Variants in PPP2R2D observed in about 807,000 individuals in gnomAD.
The protein encoded by PPP2R2D is serine/threonine-protein phosphatase 2A 55 kDa regulatory subunit B delta isoform.
A neutral mutation model predicts 31.1 loss-of-function variants in PPP2R2D; 9 were observed. The observed-to-expected ratio is 0.29, with a 90% CI of 0.17 to 0.51. PPP2R2D has a LOEUF of 0.51. Among genes scored for constraint, PPP2R2D ranks in the 20% least tolerant of loss-of-function variants. The probability of loss-of-function intolerance (pLI) is 0.98; values close to 1 mark genes in which losing one functional copy is unlikely to be tolerated. For synonymous variants in PPP2R2D, 179 were observed against 172.6 expected, an observed-to-expected ratio of 1.04 and a Z score of -0.29; for missense variants, 391 against 465.6, an observed-to-expected ratio of 0.84 and a Z score of 1.48.
chr10:131,909,819 G>A (rs1389485081), intron 2 of PPP2R2D, among the ~76,000 whole-genome samples: 1 of 152,194 alleles, frequency 6.6e-6, no homozygotes, highest in African/African-American at 2.4e-5. Flanking sequence ...AATTAAAACA[G>A]AACAACTTAC....
At chr10:131,960,479 T>A (rs529400472), downstream of PPP2R2D, among the ~76,000 whole-genome samples, 13 of 152,254 alleles carry the variant, frequency 8.5e-5, no homozygotes, top group South Asian at 2.7e-3. Context: ...GTGGACAGAC[T>A]CAGTCTGATT....
downstream of PPP2R2D, among the ~76,000 whole-genome samples, chr10:131,962,821 G>A (rs782661894): frequency 1.6e-4 from 24 of 152,210 alleles, no homozygotes; most frequent in African/African-American, 7.2e-5. Context: ...CACTTCCGCC[G>A]ATCAGAGGTC....
At chr10:131,927,454 G>A (rs1247609219) in intron 2 of PPP2R2D, among the ~76,000 whole-genome samples, 1 of 152,180 alleles carries the variant, frequency 6.6e-6, no homozygotes, top group Non-Finnish European at 1.5e-5. Context: ...CCAGAGCTTG[G>A]CGGCGGTGAG....
chr10:131,962,464 C>T (rs1220776946), downstream of PPP2R2D, among the ~76,000 whole-genome samples: 2 of 152,206 alleles, frequency 1.3e-5, no homozygotes, highest in Non-Finnish European at 2.9e-5. Flanking sequence ...CTTTTGGTGG[C>T]TGGGAAATGC....
chr10:131,941,188 G>A (rs1317092389), intron 5 of PPP2R2D, among the ~76,000 whole-genome samples: 5 of 152,168 alleles, frequency 3.3e-5, no homozygotes, highest in South Asian at 2.1e-4. Context: ...CCATCCATGA[G>A]CATCATTACT....
At chr10:131,926,946 G>A (rs1261294814) in intron 2 of PPP2R2D, among the ~76,000 whole-genome samples, 7 of 152,230 alleles carry the variant, frequency 4.6e-5, no homozygotes, top group African/African-American at 1.4e-4. Context: ...CAGGGTAGCA[G>A]AGCGCTGGCT....
intron 2 of PPP2R2D, among the ~76,000 whole-genome samples, chr10:131,924,886 T>C (rs1554894699): frequency 6.6e-6 from 1 of 152,194 alleles, no homozygotes; most frequent in African/African-American, 2.4e-5. Flanking sequence ...TTTGATTAAA[T>C]TTATTCCTAA....
intron 2 of PPP2R2D, among the ~76,000 whole-genome samples, chr10:131,923,468 G>C (rs192538668): frequency 6.6e-5 from 10 of 152,266 alleles, no homozygotes; most frequent in Admixed American, 5.9e-4. Flanking sequence ...TATATTCCTG[G>C]GAATGGAGCT....
rs1246173687 is a variant in PPP2R2D, at chr10:131,958,035, TGAA to T, written c.*2074_*2076del. 1.4e-5 allele frequency: 2 copies of T among 138,916 alleles called. No homozygotes were observed. Among genetic ancestry groups the T allele is most frequent in the Non-Finnish European group, 2.9e-5 (2 of 69,652 alleles). The allele number at this position is 138,916 out of a possible 1,614,324, so 8.6% of individuals were successfully genotyped here. ...CTGATCCCCCGTCCCCCTGTGGAGA[TGAA>T]GGTGTGTGCTGATCCCCCATCCCCA... On this transcript the variant is annotated 3_prime_UTR_variant, in exon 9 of 9. Coordinates refer to ENST00000455566, the MANE Select transcript of PPP2R2D (RefSeq NM_018461.5).
chr10:131,928,977 G>A (rs1311315855), intron 2 of PPP2R2D, among the ~76,000 whole-genome samples: 1 of 152,160 alleles, frequency 6.6e-6, no homozygotes, highest in African/African-American at 2.4e-5. Context: ...AAGAAAAGTA[G>A]AATAATAATA....
At chr10:131,942,289 A>G (rs2036456352) in intron 5 of PPP2R2D, among the ~76,000 whole-genome samples, 1 of 152,222 alleles carries the variant, frequency 6.6e-6, no homozygotes, top group Non-Finnish European at 1.5e-5. Context: ...GTTTTATTCA[A>G]GGCTGCTTTT....
intron 2 of PPP2R2D, 148 bp from the exon 3 acceptor site, chr10:131,934,310 A>G (rs2036299825): frequency 1.7e-6 from 1 of 584,560 alleles, no homozygotes; most frequent in East Asian, 2.9e-5. Flanking sequence ...CCACTTGGTA[A>G]TTACAAGTTT....
downstream of PPP2R2D, among the ~76,000 whole-genome samples, chr10:131,964,686 G>A (rs202164314): frequency 2.6e-5 from 1 of 38,348 alleles, no homozygotes; most frequent in East Asian, 7.4e-4. Context: ...TTTTTTTTTT[G>A]TCACTTTAAC....
At chr10:131,910,095 A>G (rs1348559768) in intron 2 of PPP2R2D, among the ~76,000 whole-genome samples, 2 of 152,192 alleles carry the variant, frequency 1.3e-5, no homozygotes, top group African/African-American at 4.8e-5. Context: ...GTCATCCTGG[A>G]GGCTCTTAGC....
At chr10:131,923,860 G>A (rs1400461843) in intron 2 of PPP2R2D, among the ~76,000 whole-genome samples, 3 of 152,092 alleles carry the variant, frequency 2.0e-5, no homozygotes, top group South Asian at 2.1e-4. Context: ...GGGCTCAAGC[G>A]ATTCTCCTGC....
the PPP2R2D span, chr10:131,971,220 CGTAAA>C: frequency 2.0e-6 from 1 of 508,642 alleles, no homozygotes; most frequent in Non-Finnish European, 3.6e-6. Flanking sequence ...CCACTCAGGG[CGTAAA>C]TACATTTGGT....
At chr10:131,915,557 T>C (rs1028655028) in intron 2 of PPP2R2D, among the ~76,000 whole-genome samples, 7 of 152,236 alleles carry the variant, frequency 4.6e-5, no homozygotes, top group African/African-American at 1.4e-4. Flanking sequence ...TTGCCCGCAC[T>C]CCTTCCTCAC....
intron 2 of PPP2R2D, among the ~76,000 whole-genome samples, chr10:131,923,804 C>T (rs1281030063): frequency 1.3e-5 from 2 of 151,904 alleles, no homozygotes; most frequent in Admixed American, 1.3e-4. Context: ...GCTCTGTCAC[C>T]CAGGCTAGAG....
At chr10:131,939,141 A>G (rs2036396501) in intron 3 of PPP2R2D, among the ~76,000 whole-genome samples, 1 of 140,846 alleles carries the variant, frequency 7.1e-6, no homozygotes, top group South Asian at 2.5e-4. Flanking sequence ...CCTGCTCCAG[A>G]AAACACGGCA....
Sources: gnomAD v4.1 joint callset for allele counts (sites outside exome capture counted in the v4.1 genomes callset) on GRCh38, gnomAD v4.1.1 for gene constraint, MANE v1.5 for transcripts, NCBI Gene and HGNC (gene_info 2026-07-23, HGNC 2026-07-21) for gene names.